Variants in FKBP5 observed in about 807,000 individuals in gnomAD.
FKBP5 encodes the protein peptidyl-prolyl cis-trans isomerase FKBP5.
In FKBP5, 23 loss-of-function variants were observed where a neutral mutation model predicts 50.5. The observed-to-expected ratio is 0.46, with a 90% CI of 0.33 to 0.65. The LOEUF is 0.65. Ranked by LOEUF, FKBP5 falls within the 30% of genes least tolerant of loss-of-function variation. The pLI is 0.02. For synonymous variants in FKBP5, 176 were observed against 190.6 expected (o/e 0.92, Z 0.63); for missense variants, 411 against 553.1 (o/e 0.74, Z 2.58).
At chr6:35,636,118 T>C (rs1304720503) in intron 3 of FKBP5, among the ~76,000 whole-genome samples, 1 of 152,232 alleles carries the variant, frequency 6.6e-6, no homozygotes, top group Non-Finnish European at 1.5e-5. Context: ...TATTCATTCT[T>C]AGTTATACAG....
chr6:35,623,220 C>T (rs937028403), intron 3 of FKBP5, among the ~76,000 whole-genome samples: 10 of 152,200 alleles, frequency 6.6e-5, no homozygotes, highest in Middle Eastern at 3.4e-3. Flanking sequence ...CCAGCCTGGG[C>T]GAAAGAGCGA....
In FKBP5 at chr6:35,609,624, A is replaced by AT. The variant is rs112119339; in HGVS notation, c.508+9471dup. 5.1e-3 allele frequency among the ~76,000 whole-genome samples: 782 copies of AT among 152,220 alleles called. 7 individuals carry two copies. The highest frequency in any genetic ancestry group is 0.017 in the African/African-American group (711 of 41,536). On this transcript the variant is annotated intron_variant, in intron 5 of 10. Transcript: ENST00000357266. ...TTCTATTAGATGTTTGATTGGATGC[A>AT]TATTACCTCTCCTGGATTTATTATC...
At chr6:35,644,465 G>A (rs1367075884) in intron 1 of FKBP5, among the ~76,000 whole-genome samples, 1 of 152,128 alleles carries the variant, frequency 6.6e-6, no homozygotes, top group Non-Finnish European at 1.5e-5. Context: ...ATTTCCAAAT[G>A]ACCACTATTC....
At chr6:35,639,403 A>G (rs1764413321) in intron 2 of FKBP5, among the ~76,000 whole-genome samples, 1 of 152,340 alleles carries the variant, frequency 6.6e-6, no homozygotes, top group East Asian at 1.9e-4. Context: ...AAAGGGCTTC[A>G]AATCTCAAAT....
intron 2 of FKBP5, among the ~76,000 whole-genome samples, chr6:35,707,472 C>T (rs1766340293): frequency 6.6e-6 from 1 of 151,986 alleles, no homozygotes. Flanking sequence ...CCGCCCGCCT[C>T]GGCCTCCCAA....
chr6:35,693,220 T>A (rs1173015343), upstream of FKBP5, among the ~76,000 whole-genome samples: 2 of 143,806 alleles, frequency 1.4e-5, no homozygotes, highest in Admixed American at 1.4e-4. Context: ...TGGAGTGCAG[T>A]GGCGCGATCT....
chr6:35,721,225 G>A (rs1374567750), intron 1 of FKBP5, among the ~76,000 whole-genome samples: 4 of 152,052 alleles, frequency 2.6e-5, no homozygotes, highest in East Asian at 1.9e-4. Context: ...GGTGGCAGGC[G>A]CCTGTAATCT....
chr6:35,705,775 A>G (rs950217082), intron 2 of FKBP5, among the ~76,000 whole-genome samples: 1 of 152,162 alleles, frequency 6.6e-6, no homozygotes, highest in African/African-American at 2.4e-5. Context: ...CAGATGAATC[A>G]AAGATCTGAA....
Position 35,574,677 on chromosome 6 carries a change from G to A in FKBP5, c.*1158C>T, listed in dbSNP as rs1331385728. 6.6e-6 allele frequency: 1 copy of A among 152,570 alleles called. No homozygotes were observed. The highest frequency in any genetic ancestry group is 1.5e-5 in the Non-Finnish European group (1 of 68,038). The allele number at this position is 152,570 out of a possible 1,614,324, so 9.5% of individuals were successfully genotyped here. ...TGCAGGTGAAACCCCTAGTGTAGAA[G>A]AGCAACTATTTATTTGTCAACCCTA... is the stretch of plus-strand genomic sequence containing the variant. On this transcript the variant is annotated 3_prime_UTR_variant, in exon 11 of 11. Coordinates refer to ENST00000357266, the MANE Select transcript of FKBP5 (RefSeq NM_004117.4).
chr6:35,580,239 C>T lies in FKBP5; in HGVS notation c.841-18G>A. On this transcript the variant is annotated intron_variant, in intron 8 of 10. Transcript: ENST00000357266. ...TTGCCTCCCTAGGATAAAAAAGCGT[C>T]ATTACTTGTACTCAGCTCTTGAGGG... The T allele has an allele frequency of 6.2e-7, 1 of 1,602,506 alleles. No homozygotes were observed. Among genetic ancestry groups the T allele is most frequent in the Non-Finnish European group, 8.5e-7 (1 of 1,172,166 alleles).
At chr6:35,600,225 G>A (rs1763103292) in intron 5 of FKBP5, among the ~76,000 whole-genome samples, 3 of 152,088 alleles carry the variant, frequency 2.0e-5, no homozygotes, top group Admixed American at 6.6e-5. Context: ...GCATACTAGA[G>A]AGGTTCTACA....
At chr6:35,590,572 C>T (rs544283648) in intron 7 of FKBP5, among the ~76,000 whole-genome samples, 125 of 152,234 alleles carry the variant, frequency 8.2e-4, no homozygotes, top group African/African-American at 3.0e-3. Flanking sequence ...AATTCTCTCT[C>T]TTCTCTACTT....
intron 8 of FKBP5, chr6:35,586,271 T>C (rs1441862849): frequency 3.0e-6 from 3 of 985,078 alleles, no homozygotes; most frequent in Non-Finnish European, 1.2e-6. Context: ...ATCACACTCC[T>C]AGTTGCTCCA....
At chr6:35,712,328 GTTGT>G (rs1766430356) in intron 2 of FKBP5, among the ~76,000 whole-genome samples, 1 of 152,092 alleles carries the variant, frequency 6.6e-6, no homozygotes, top group African/African-American at 2.4e-5. Flanking sequence ...TTGCCACAGA[GTTGT>G]TTGTTTGTTT....
rs2150999268 is a variant in FKBP5, at chr6:35,660,833, T to C, written c.-19-17990A>G. On this transcript the variant is annotated intron_variant, in intron 1 of 10. Transcript: ENST00000357266. Reference sequence around the variant, plus strand: ...CCTTTCAAGTTCTATCAGTTTCTGATTCATGTATCTTGAAGCTCTGTTATT... The same window carrying C: ...CCTTTCAAGTTCTATCAGTTTCTGACTCATGTATCTTGAAGCTCTGTTATT... Among the ~76,000 whole-genome samples the C allele has an allele frequency of 2.4e-5, 2 of 84,436 alleles. 1 individual carries two copies. The highest frequency in any genetic ancestry group is 5.4e-5 in the Non-Finnish European group (2 of 36,726). 55.4% of individuals were successfully genotyped at this position (84,436 alleles called of 152,430 possible). A position where few individuals can be genotyped will look rare whatever the true frequency, so the allele number is the denominator to read the frequency against.
chr6:35,595,799 T>A (rs1235380003), intron 6 of FKBP5, among the ~76,000 whole-genome samples: 1 of 152,000 alleles, frequency 6.6e-6, no homozygotes, highest in African/African-American at 2.4e-5. Flanking sequence ...AGAGATAGCT[T>A]TTTCTATGCT....
chr6:35,635,026 C>CA lies in FKBP5; in HGVS notation c.250+1987dup, dbSNP rs35794477. ...GCAACATGGTGAAACCCTGTCTCTA[C>CA]AAAAAAAAAAAAAAAAAAAAAATTA... is the stretch of plus-strand genomic sequence containing the variant. On this transcript the variant is annotated intron_variant, in intron 3 of 10. Coordinates refer to ENST00000357266, the MANE Select transcript of FKBP5 (RefSeq NM_004117.4). 2.8e-3 allele frequency among the ~76,000 whole-genome samples: 209 copies of CA among 75,094 alleles called. 4 individuals carry two copies. The highest frequency in any genetic ancestry group is 7.2e-3 in the African/African-American group (132 of 18,334). The allele number at this position is 75,094 out of a possible 152,430, so 49.3% of individuals were successfully genotyped here.
intron 1 of FKBP5, among the ~76,000 whole-genome samples, chr6:35,648,889 C>T (rs9357201): frequency 0.64 from 96,233 of 151,238 alleles, 30,889 homozygotes; most frequent in East Asian, 0.68. Context: ...ACGGAGGTTG[C>T]AGTGAGCGGA....
In FKBP5 at chr6:35,591,220, T is replaced by C. The variant is rs754118200; in HGVS notation, c.666A>G (p.Arg222=). 2.5e-6 allele frequency: 4 copies of C among 1,600,526 alleles called. No individual in the cohort carries two copies. The highest frequency in any genetic ancestry group is 3.4e-6 in the Non-Finnish European group (4 of 1,169,376). ...EEQCILYLGP[R]YGFGEAGKPK... ...GCTTCCCTGCCTCTCCAAAACCATA[T>C]CTGAAATGGAGAGTAAAAAATAAAA... Residue 222 remains arginine, a splice_region_variant and synonymous_variant, in exon 7 of 11, where the codon AGA becomes AGG. Transcript: ENST00000357266.
Sources: allele counts gnomAD v4.1 joint callset (sites outside exome capture counted in the v4.1 genomes callset), GRCh38; gene constraint gnomAD v4.1.1; transcripts MANE v1.5; gene names NCBI Gene and HGNC (gene_info 2026-07-23, HGNC 2026-07-21).